The following RUNX2 variants were observed in gnomAD, a reference collection of about 807,000 sequenced individuals.
The protein encoded by RUNX2 is runt-related transcription factor 2.
A neutral mutation model predicts 51.7 loss-of-function variants in RUNX2; 10 were observed. The observed-to-expected ratio is 0.19, with a 90% CI of 0.12 to 0.33. The LOEUF is 0.33. RUNX2 is among the 10% of genes least tolerant of loss of function. The pLI, the probability that RUNX2 is intolerant of heterozygous loss-of-function variation, is 1.00. For synonymous variants in RUNX2, 276 were observed against 273.6 expected, an observed-to-expected ratio of 1.01 and a Z score of -0.09; for missense variants, 562 against 691.3, an observed-to-expected ratio of 0.81 and a Z score of 2.10.
intron 2 of RUNX2, among the ~76,000 whole-genome samples, chr6:45,336,057 T>G (rs1788484307): frequency 1.3e-5 from 2 of 151,306 alleles, no homozygotes; most frequent in South Asian, 4.1e-4. Flanking sequence ...CCAACCTCCT[T>G]TCCACAGAAG....
intron 5 of RUNX2, among the ~76,000 whole-genome samples, chr6:45,467,580 C>A (rs1018910077): frequency 6.6e-6 from 1 of 152,164 alleles, no homozygotes; most frequent in Non-Finnish European, 1.5e-5. Flanking sequence ...CTGCACCAGG[C>A]CTGCTTTATC....
chr6:45,375,233 T>A (rs1376981403), intron 2 of RUNX2, among the ~76,000 whole-genome samples: 1 of 152,130 alleles, frequency 6.6e-6, no homozygotes. Context: ...TTTCTGATAT[T>A]GCAATGTGGT....
At chr6:45,337,372 C>T (rs1438892948) in intron 2 of RUNX2, among the ~76,000 whole-genome samples, 1 of 150,868 alleles carries the variant, frequency 6.6e-6, no homozygotes, top group Non-Finnish European at 1.5e-5. Flanking sequence ...CTCCAGCATT[C>T]GAAGAAAAAA....
At chr6:45,523,618 T>G (rs944845211) in intron 7 of RUNX2, among the ~76,000 whole-genome samples, 3 of 151,740 alleles carry the variant, frequency 2.0e-5, no homozygotes, top group Non-Finnish European at 4.4e-5. Flanking sequence ...CATGCAGAAA[T>G]AGTTATAAGG....
intron 3 of RUNX2, 102 bp from the exon 4 acceptor site, chr6:45,431,761 C>A: frequency 7.4e-7 from 1 of 1,344,066 alleles, no homozygotes; most frequent in South Asian, 1.2e-5. Flanking sequence ...TGGACTAGAA[C>A]ACTAAGTCCT....
At chr6:45,445,800 T>C (rs1798979354) in intron 5 of RUNX2, among the ~76,000 whole-genome samples, 2 of 151,046 alleles carry the variant, frequency 1.3e-5, no homozygotes, top group South Asian at 4.3e-4. Context: ...TGTTCTCTGT[T>C]TCCCTTTCTT....
At chr6:45,421,806 C>G (rs1190831204) in intron 2 of RUNX2, 2 of 151,868 alleles carry the variant, frequency 1.3e-5, no homozygotes, top group East Asian at 1.9e-4. Context: ...TTCGCAGGCT[C>G]GAGATTCGTT....
chr6:45,460,599 C>A (rs147734366), intron 5 of RUNX2, among the ~76,000 whole-genome samples: 1 of 152,040 alleles, frequency 6.6e-6, no homozygotes, highest in East Asian at 1.9e-4. Context: ...CTGTTAAGAA[C>A]GAGTGACCCT....
At chr6:45,394,230 A>G (rs1217019190) in intron 2 of RUNX2, among the ~76,000 whole-genome samples, 2 of 152,106 alleles carry the variant, frequency 1.3e-5, no homozygotes, top group Admixed American at 6.5e-5. Flanking sequence ...ACCAGATCTC[A>G]CATGAACTCA....
Position 45,328,393 on chromosome 6 carries a change from AG to A in RUNX2, c.-133del. On this transcript the variant is annotated 5_prime_UTR_variant, in exon 1 of 9. Transcript: ENST00000647337. ...GCAAACTTTCTCCAGGAGGACAGCA[AG>A]AAGTCTCTGGTTTTTAAATGGTTAA... 7.1e-7 allele frequency: 1 copy of A among 1,407,006 alleles called. No individual in the cohort carries two copies. Among genetic ancestry groups the A allele is most frequent in the Non-Finnish European group, 9.5e-7 (1 of 1,048,562 alleles). 87.2% of individuals were successfully genotyped at this position (1,407,006 alleles called of 1,614,324 possible). A position where few individuals can be genotyped will look rare whatever the true frequency, so the allele number is the denominator to read the frequency against.
At chr6:45,344,632 C>T (rs1444357351) in intron 2 of RUNX2, among the ~76,000 whole-genome samples, 2 of 152,054 alleles carry the variant, frequency 1.3e-5, no homozygotes, top group Non-Finnish European at 2.9e-5. Flanking sequence ...ATTTAAAACC[C>T]ATTAAAAATC....
intron 2 of RUNX2, among the ~76,000 whole-genome samples, chr6:45,394,297 G>A (rs906384954): frequency 3.3e-5 from 5 of 152,058 alleles, no homozygotes; most frequent in South Asian, 2.1e-4. Context: ...TGAGGGATCC[G>A]CCCCCATGAC....
Position 45,372,346 on chromosome 6 carries a change from T to G in RUNX2, c.58+43562T>G, listed in dbSNP as rs117890376. On this transcript the variant is annotated intron_variant, in intron 2 of 8. Transcript: ENST00000647337. ...TTTAGTTCATGCTGATGATGATGAT[T>G]AACTCATGCAAAAGCATAGCTTCTT... is the stretch of plus-strand genomic sequence containing the variant. 5.1e-4 allele frequency among the ~76,000 whole-genome samples: 78 copies of G among 152,330 alleles called. No homozygotes were observed. In the East Asian group the frequency reaches 6.8e-3, roughly 13 times the overall value.
chr6:45,413,575 T>C (rs4413613), intron 2 of RUNX2, among the ~76,000 whole-genome samples: 12,300 of 151,216 alleles, frequency 0.081, 696 homozygotes, highest in South Asian at 0.18. Flanking sequence ...GGATTACAGG[T>C]ACACGCTACC....
chr6:45,455,177 A>G (rs185880377), intron 5 of RUNX2, among the ~76,000 whole-genome samples: 210 of 152,354 alleles, frequency 1.4e-3, no homozygotes, highest in African/African-American at 4.8e-3. Context: ...AGGCTGTTGG[A>G]AAGCTCGTGG....
At chr6:45,383,604 C>T (rs1797287603) in intron 2 of RUNX2, among the ~76,000 whole-genome samples, 1 of 151,556 alleles carries the variant, frequency 6.6e-6, no homozygotes, top group African/African-American at 2.4e-5. Flanking sequence ...CTAAACATCC[C>T]CTTGTTTAAA....
chr6:45,516,262 T>C (rs557261193), intron 7 of RUNX2, among the ~76,000 whole-genome samples: 1 of 152,156 alleles, frequency 6.6e-6, no homozygotes, highest in Non-Finnish European at 1.5e-5. Flanking sequence ...AGAGGTACAA[T>C]ACAATGATTC....
At position 45,354,681 on chromosome 6, in the gene RUNX2, C is replaced by A. The variant is rs944775097; in HGVS notation, c.58+25897C>A. On this transcript the variant is annotated intron_variant, in intron 2 of 8. Transcript: ENST00000647337. ...CTCCTATATGTTGCTATGCAGAGAT[C>A]TCTAGACACATTTAAAAAAAGAAAA... 2.0e-5 allele frequency among the ~76,000 whole-genome samples: 3 copies of A among 151,698 alleles called. No individual in the cohort carries two copies. In the East Asian group the frequency reaches 5.8e-4, roughly 29 times the overall value.
chr6:45,443,386 G>A lies in RUNX2; in HGVS notation c.685+5335G>A, dbSNP rs144568499. On this transcript the variant is annotated intron_variant, in intron 5 of 8. Transcript: ENST00000647337. ...TTCTTAAGGATTAGGCTCAGAACTG[G>A]CATGGAATTGCTTCCTCTAGATTTG... is the stretch of plus-strand genomic sequence containing the variant. 2.6e-4 allele frequency among the ~76,000 whole-genome samples: 40 copies of A among 152,196 alleles called. No individual in the cohort carries two copies. In the East Asian group the frequency reaches 7.5e-3, roughly 29 times the overall value.
Sources: gnomAD v4.1 joint callset for allele counts (sites outside exome capture counted in the v4.1 genomes callset) on GRCh38, gnomAD v4.1.1 for gene constraint, MANE v1.5 for transcripts, NCBI Gene and HGNC (gene_info 2026-07-23, HGNC 2026-07-21) for gene names.